The following PRKG1 variants were observed in gnomAD, a reference collection of about 807,000 sequenced individuals.
PRKG1 encodes the protein cGMP-dependent protein kinase 1.
In PRKG1, 35 loss-of-function variants were observed where a neutral mutation model predicts 88.1. That is an observed-to-expected ratio of 0.40 (90% confidence interval 0.30 to 0.53). The LOEUF is 0.53. Among genes scored for constraint, PRKG1 ranks in the 20% least tolerant of loss-of-function variants. The pLI is 0.59. For missense variants in PRKG1, 540 were observed against 839.8 expected (o/e 0.64, Z 4.41); for synonymous variants, 303 against 292.5 (o/e 1.04, Z -0.37).
intron 4 of PRKG1, among the ~76,000 whole-genome samples, chr10:51,822,521 T>C (rs1045625209): frequency 2.6e-5 from 4 of 152,246 alleles, no homozygotes; most frequent in African/African-American, 9.6e-5. Flanking sequence ...GTCAGCCACA[T>C]AGATTGTCTT....
At chr10:51,128,148 T>C (rs1375874854) in intron 1 of PRKG1, among the ~76,000 whole-genome samples, 1 of 151,910 alleles carries the variant, frequency 6.6e-6, no homozygotes, top group Non-Finnish European at 1.5e-5. Flanking sequence ...AAAATTAAAA[T>C]GCAAAAAGGC....
At chr10:51,062,134 C>T (rs751434212) in intron 1 of PRKG1, among the ~76,000 whole-genome samples, 5 of 152,182 alleles carry the variant, frequency 3.3e-5, no homozygotes, top group Non-Finnish European at 7.3e-5. Flanking sequence ...AGGATCAGAT[C>T]ACCCAAACCA....
At chr10:51,079,820 G>A (rs924894802) in intron 1 of PRKG1, among the ~76,000 whole-genome samples, 8 of 152,204 alleles carry the variant, frequency 5.3e-5, no homozygotes, top group Admixed American at 3.3e-4. Flanking sequence ...ATATAACTAG[G>A]TAAGAGTAGT....
At chr10:51,645,338 C>T (rs1839891489) in intron 3 of PRKG1, among the ~76,000 whole-genome samples, 2 of 152,106 alleles carry the variant, frequency 1.3e-5, no homozygotes, top group South Asian at 4.2e-4. Flanking sequence ...CATTTCAAGC[C>T]ATATTAAAAC....
At chr10:51,917,318 C>CAAAAAAAAA (rs1288522303) in intron 5 of PRKG1, among the ~76,000 whole-genome samples, 29 of 69,514 alleles carry the variant, frequency 4.2e-4, no homozygotes, top group African/African-American at 1.1e-3. Context: ...GACTCCATCT[C>CAAAAAAAAA]AAAAAAAAAA....
intron 3 of PRKG1, among the ~76,000 whole-genome samples, chr10:51,729,550 T>C (rs1002154508): frequency 1.3e-5 from 2 of 151,258 alleles, no homozygotes; most frequent in African/African-American, 4.8e-5. Context: ...CTACTAAAAA[T>C]ACAAAAATTA....
chr10:52,146,717 A>T (rs1384646450), intron 8 of PRKG1, among the ~76,000 whole-genome samples: 1 of 152,212 alleles, frequency 6.6e-6, no homozygotes, highest in East Asian at 1.9e-4. Flanking sequence ...GTGCTTGGGC[A>T]TTTAAGCTCA....
chr10:52,022,915 G>A (rs1845223233), intron 5 of PRKG1, among the ~76,000 whole-genome samples: 1 of 152,024 alleles, frequency 6.6e-6, no homozygotes, highest in Non-Finnish European at 1.5e-5. Context: ...CGTAATAGGT[G>A]AGGGTGTTTT....
At chr10:51,464,167 C>T (rs920650213) in intron 2 of PRKG1, among the ~76,000 whole-genome samples, 2 of 151,930 alleles carry the variant, frequency 1.3e-5, no homozygotes, top group Admixed American at 1.3e-4. Context: ...GTAATCCCAG[C>T]TACTTGGGAG....
intron 10 of PRKG1, among the ~76,000 whole-genome samples, chr10:52,265,368 G>T (rs190948983): frequency 9.9e-5 from 15 of 152,250 alleles, no homozygotes; most frequent in Admixed American, 3.3e-4. Context: ...GACATTGACA[G>T]TTTAAGCCTT....
Position 51,118,078 on chromosome 10 carries a change from G to A in PRKG1, c.312-35086G>A, listed in dbSNP as rs78246279. Among the ~76,000 whole-genome samples, 73 of 152,220 alleles carry A rather than the reference G, an allele frequency of 4.8e-4. 2 individuals are homozygous for A. The East Asian group carries it at 0.011, about 23-fold the overall frequency. On this transcript the variant is annotated intron_variant, in intron 1 of 17. Coordinates refer to ENST00000373980, the MANE Select transcript of PRKG1 (RefSeq NM_006258.4). The stretch of plus-strand genomic sequence containing the variant: ...AGGGGAAGGGAAGTTGAATTACATG[G>A]CATTGGAGATCCTTCCTAACCCTGA...
At chr10:51,432,488 G>GA (rs1466296457) in intron 2 of PRKG1, among the ~76,000 whole-genome samples, 2 of 152,134 alleles carry the variant, frequency 1.3e-5, no homozygotes, top group African/African-American at 4.8e-5. Flanking sequence ...CAAAAAAGTT[G>GA]AGCGGCATAG....
At chr10:51,659,078 C>G (rs1840232020) in intron 3 of PRKG1, among the ~76,000 whole-genome samples, 1 of 152,204 alleles carries the variant, frequency 6.6e-6, no homozygotes, top group African/African-American at 2.4e-5. Context: ...TTTGATTTGG[C>G]TGTTTTATGT....
At chr10:52,170,031 T>C (rs11001056) in intron 9 of PRKG1, among the ~76,000 whole-genome samples, 67,538 of 152,102 alleles carry the variant, frequency 0.44, 18,096 homozygotes, top group Admixed American at 0.61. Context: ...AGTCTTATAC[T>C]GAGTAGCATT....
At chr10:52,071,388 CAT>C (rs1037792829) in intron 7 of PRKG1, among the ~76,000 whole-genome samples, 3 of 152,168 alleles carry the variant, frequency 2.0e-5, no homozygotes, top group African/African-American at 7.2e-5. Flanking sequence ...TAAGTGAAAA[CAT>C]GTGTATTTGG....
intron 2 of PRKG1, among the ~76,000 whole-genome samples, chr10:51,398,218 G>C (rs532244419): frequency 6.6e-6 from 1 of 152,132 alleles, no homozygotes; most frequent in Non-Finnish European, 1.5e-5. Context: ...TGGGTGGGGG[G>C]ATGGTTTCAG....
chr10:52,244,631 C>T (rs2132385572), intron 9 of PRKG1, among the ~76,000 whole-genome samples: 1 of 147,910 alleles, frequency 6.8e-6, no homozygotes, highest in East Asian at 2.0e-4. Context: ...GCTACTTTCT[C>T]TATATATAGG....
chr10:51,832,716 T>A (rs1238386032), intron 4 of PRKG1, among the ~76,000 whole-genome samples: 1 of 152,130 alleles, frequency 6.6e-6, no homozygotes, highest in African/African-American at 2.4e-5. Context: ...AAGGGTCCCA[T>A]GATTGAATCT....
intron 4 of PRKG1, among the ~76,000 whole-genome samples, chr10:51,867,987 T>G (rs540953955): frequency 1.3e-5 from 2 of 152,312 alleles, no homozygotes; most frequent in African/African-American, 4.8e-5. Flanking sequence ...TTTTGGGTTT[T>G]GTCTGTCATC....
Sources: allele counts gnomAD v4.1 joint callset (sites outside exome capture counted in the v4.1 genomes callset), GRCh38; gene constraint gnomAD v4.1.1; transcripts MANE v1.5; gene names NCBI Gene and HGNC (gene_info 2026-07-23, HGNC 2026-07-21).